Variants in PI4KB observed in about 807,000 individuals in gnomAD.
PI4KB encodes the protein phosphatidylinositol 4-kinase beta.
Under a neutral mutation model 81.4 loss-of-function variants are expected in PI4KB, and 23 were observed. The observed-to-expected ratio is 0.28, with a 90% CI of 0.20 to 0.40. PI4KB has a LOEUF of 0.40. PI4KB is among the 10% of genes least tolerant of loss of function. The probability of loss-of-function intolerance (pLI) is 1.00; values close to 1 mark genes in which losing one functional copy is unlikely to be tolerated. For synonymous variants in PI4KB, 381 were observed against 406.8 expected, an observed-to-expected ratio of 0.94 and a Z score of 0.76; for missense variants, 651 against 1,036.6, an observed-to-expected ratio of 0.63 and a Z score of 5.11.
In PI4KB at chr1:151,306,081, A is replaced by T; in HGVS notation, c.1410+55T>A. 7 of 1,411,092 alleles carry T rather than the reference A, an allele frequency of 5.0e-6. No homozygotes were observed. The South Asian group carries it at 8.1e-5, about 16-fold the overall frequency. The allele number at this position is 1,411,092 out of a possible 1,614,324, so 87.4% of individuals were successfully genotyped here. ...TGCTGTCTTGTTTCCAATATAGTGA[A>T]AGCTCCTGGAGAAAGCTCCTGTGAC... is the stretch of plus-strand genomic sequence containing the variant. On this transcript the variant is annotated intron_variant, in intron 5 of 11. Transcript: ENST00000368873.
chr1:151,310,195 G>A lies in PI4KB; in HGVS notation c.954+16C>T, dbSNP rs369632909. 1.2e-6 allele frequency: 2 copies of A among 1,601,786 alleles called. No homozygotes were observed. Among genetic ancestry groups the A allele is most frequent in the African/African-American group, 2.7e-5 (2 of 74,672 alleles). On this transcript the variant is annotated intron_variant, in intron 3 of 11. Coordinates refer to ENST00000368873, the MANE Select transcript of PI4KB (RefSeq NM_001369623.2). ...TGGGGGAGCCTGCCACCCCGTCCCAGCCTGGCCCCACTTACGGAACTGAAT... is the reference window on the plus strand; with the variant it reads ...TGGGGGAGCCTGCCACCCCGTCCCAACCTGGCCCCACTTACGGAACTGAAT...
At chr1:151,319,735 G>C (rs1648567120) in intron 1 of PI4KB, among the ~76,000 whole-genome samples, 1 of 152,178 alleles carries the variant, frequency 6.6e-6, no homozygotes, top group South Asian at 2.1e-4. Flanking sequence ...GATCAACCTG[G>C]CTCCAGAATC....
chr1:151,323,152 T>A (rs1055693943), intron 1 of PI4KB, among the ~76,000 whole-genome samples: 1 of 152,166 alleles, frequency 6.6e-6, no homozygotes. Flanking sequence ...CATAATTATA[T>A]AAATGAGAGG....
intron 6 of PI4KB, 37 bp from the exon 7 acceptor site, chr1:151,302,335 C>G (rs772623038): frequency 6.9e-7 from 1 of 1,452,688 alleles, no homozygotes; most frequent in East Asian, 2.3e-5. Flanking sequence ...CTTGGAGAAG[C>G]TACCCCCAAG....
At chr1:151,302,516 C>A (rs1387230650) in intron 6 of PI4KB, among the ~76,000 whole-genome samples, 1 of 151,750 alleles carries the variant, frequency 6.6e-6, no homozygotes, top group Non-Finnish European at 1.5e-5. Flanking sequence ...CCTCCATATT[C>A]CTCTACCAAG....
At chr1:151,319,947 G>A (rs1176234110) in intron 1 of PI4KB, among the ~76,000 whole-genome samples, 1 of 152,202 alleles carries the variant, frequency 6.6e-6, no homozygotes, top group Non-Finnish European at 1.5e-5. Flanking sequence ...GAATAAGGAG[G>A]CCTAGAGATT....
chr1:151,293,252 A>C, intron 11 of PI4KB: 13 of 1,418,210 alleles, frequency 9.2e-6, no homozygotes, highest in Non-Finnish European at 1.1e-5. Flanking sequence ...GCATGTGGGC[A>C]GAGGAAGGAA....
Position 151,298,792 on chromosome 1 carries a change from A to G in PI4KB, c.2015+16T>C. ...ACCCTGGAGAAATGTTAGGATGAGC[A>G]GCAGAAGTCACCTACCTGTCCTTGA... On this transcript the variant is annotated intron_variant, in intron 9 of 11. Transcript: ENST00000368873. The G allele has an allele frequency of 1.2e-6, 2 of 1,606,670 alleles. No individual in the cohort carries two copies. The highest frequency in any genetic ancestry group is 1.7e-6 in the Non-Finnish European group (2 of 1,174,496).
At chr1:151,303,144 A>G (rs1695444207) in intron 6 of PI4KB, among the ~76,000 whole-genome samples, 1 of 151,216 alleles carries the variant, frequency 6.6e-6, no homozygotes, top group African/African-American at 2.4e-5. Flanking sequence ...GACTACAGGC[A>G]TCCGCCACCA....
chr1:151,326,335 A>T (rs1052197612), intron 1 of PI4KB: 6 of 641,384 alleles, frequency 9.4e-6, no homozygotes, highest in Admixed American at 6.1e-5. Context: ...CCCCCTGCTC[A>T]CAACACATTT....
chr1:151,304,343 GTT>G (rs587741967), intron 5 of PI4KB, among the ~76,000 whole-genome samples: 9 of 135,222 alleles, frequency 6.7e-5, no homozygotes, highest in East Asian at 6.4e-4. Flanking sequence ...CTGGCTGTGT[GTT>G]TTTTTTTTTT....
chr1:151,314,218 C>T (rs1296267902), intron 2 of PI4KB, among the ~76,000 whole-genome samples: 2 of 152,214 alleles, frequency 1.3e-5, no homozygotes, highest in African/African-American at 2.4e-5. Context: ...GGTTATATGC[C>T]CCACAGAGGC....
At chr1:151,321,020 C>T (rs1648771697) in intron 1 of PI4KB, among the ~76,000 whole-genome samples, 1 of 152,184 alleles carries the variant, frequency 6.6e-6, no homozygotes. Context: ...ATTACTGGCA[C>T]CAGGAAGGCA....
At chr1:151,302,991 T>G (rs1026807233) in intron 6 of PI4KB, among the ~76,000 whole-genome samples, 1 of 148,230 alleles carries the variant, frequency 6.7e-6, no homozygotes, top group African/African-American at 2.5e-5. Context: ...TCTGGTGCTT[T>G]CTTGTTTTTT....
chr1:151,309,323 T>C (rs1248809396), intron 3 of PI4KB, among the ~76,000 whole-genome samples: 1 of 152,024 alleles, frequency 6.6e-6, no homozygotes, highest in African/African-American at 2.4e-5. Flanking sequence ...CAAATCAGCA[T>C]TTGGGTTAGG....
rs1447389943 is a variant in PI4KB, at chr1:151,324,752, T to C, written c.-29+2519A>G. On this transcript the variant is annotated intron_variant, in intron 1 of 11. Transcript: ENST00000368873. ...AGCAGCCTGTGCACTCACCTCTCTC[T>C]GAATTGTTCCTCCCTACTGCGAGTC... 8 of 985,290 alleles carry C rather than the reference T, an allele frequency of 8.1e-6. No homozygotes were observed. The Admixed American group carries it at 2.5e-4, about 30-fold the overall frequency. The allele number at this position is 985,290 out of a possible 1,614,324, so 61.0% of individuals were successfully genotyped here. A position where few individuals can be genotyped will look rare whatever the true frequency, so the allele number is the denominator to read the frequency against.
intron 2 of PI4KB, among the ~76,000 whole-genome samples, chr1:151,311,266 T>C (rs115372164): frequency 0.017 from 2,561 of 151,774 alleles, 73 homozygotes; most frequent in African/African-American, 0.058. Context: ...GTGGGGGACG[T>C]TGAGGTCGGG....
intron 9 of PI4KB, among the ~76,000 whole-genome samples, chr1:151,296,979 G>T (rs1395897541): frequency 1.3e-5 from 2 of 152,038 alleles, no homozygotes; most frequent in Non-Finnish European, 1.5e-5. Context: ...GTTTTGCCAT[G>T]TTGGTCAGGC....
upstream of PI4KB, chr1:151,327,706 G>A (rs1044811219): frequency 3.5e-5 from 9 of 256,498 alleles, no homozygotes; most frequent in African/African-American, 6.7e-5. Context: ...AAATAGAAAA[G>A]GGGGCGGGGA....
Sources: gnomAD v4.1 joint callset for allele counts (sites outside exome capture counted in the v4.1 genomes callset) on GRCh38, gnomAD v4.1.1 for gene constraint, MANE v1.5 for transcripts, NCBI Gene and HGNC (gene_info 2026-07-23, HGNC 2026-07-21) for gene names.